Variants in NALF1 observed in about 807,000 individuals in gnomAD.
NALF1 encodes family with sequence similarity 155 member A.
In NALF1, 3 loss-of-function variants were observed where a neutral mutation model predicts 48.4. The observed-to-expected ratio is 0.06, with a 90% CI of 0.03 to 0.16. The LOEUF is 0.16. Ranked by LOEUF, NALF1 falls within the 10% of genes least tolerant of loss-of-function variation. The pLI, the probability that NALF1 is intolerant of heterozygous loss-of-function variation, is 1.00. For missense variants in NALF1, 526 were observed against 571.5 expected, an observed-to-expected ratio of 0.92 and a Z score of 0.81; for synonymous variants, 262 against 245.7, an observed-to-expected ratio of 1.07 and a Z score of -0.62.
chr13:107,640,320 GC>G (rs1880116603), intron 1 of NALF1, among the ~76,000 whole-genome samples: 2 of 152,136 alleles, frequency 1.3e-5, no homozygotes, highest in South Asian at 4.1e-4. Context: ...ATGAGAACAT[GC>G]CTGTTTATGC....
At chr13:107,204,912 A>C (rs1879603119) in intron 2 of NALF1, among the ~76,000 whole-genome samples, 1 of 152,192 alleles carries the variant, frequency 6.6e-6, no homozygotes, top group African/African-American at 2.4e-5. Flanking sequence ...AGGGGAAAAT[A>C]AATAAATTGA....
At chr13:107,488,604 CATATTGAAGGTACATACTTTAAA>C (rs1452002623) in intron 1 of NALF1, among the ~76,000 whole-genome samples, 1 of 152,034 alleles carries the variant, frequency 6.6e-6, no homozygotes, top group Admixed American at 6.6e-5. Flanking sequence ...TGATAAACTA[CATATTGAAGGTACATACTTTAAA>C]ATAATAAGAG....
chr13:107,182,255 T>TGTGTGTGTGTCC (rs1555325200), intron 2 of NALF1, among the ~76,000 whole-genome samples: 26 of 132,586 alleles, frequency 2.0e-4, no homozygotes, highest in African/African-American at 5.2e-4. Flanking sequence ...TGTGTGTCCG[T>TGTGTGTGTGTCC]GTGTGTGTGT....
chr13:107,360,316 TC>T (rs1484323760), intron 1 of NALF1, among the ~76,000 whole-genome samples: 2 of 152,064 alleles, frequency 1.3e-5, no homozygotes, highest in African/African-American at 4.8e-5. Flanking sequence ...AACGCTCAGA[TC>T]CCCAAAGAAT....
At chr13:107,812,567 T>C (rs1460523974) in intron 1 of NALF1, among the ~76,000 whole-genome samples, 2 of 152,148 alleles carry the variant, frequency 1.3e-5, no homozygotes, top group Non-Finnish European at 2.9e-5. Flanking sequence ...CTTCTCTGTA[T>C]TGATGTACAT....
At chr13:107,178,806 G>A (rs141311967) in intron 2 of NALF1, among the ~76,000 whole-genome samples, 2 of 152,174 alleles carry the variant, frequency 1.3e-5, no homozygotes, top group South Asian at 2.1e-4. Context: ...TTAGCCGGGC[G>A]TGGTGGCGGG....
At chr13:107,770,074 G>A (rs866791554) in intron 1 of NALF1, among the ~76,000 whole-genome samples, 19 of 152,078 alleles carry the variant, frequency 1.2e-4, no homozygotes, top group Middle Eastern at 3.4e-3. Context: ...CACCACGCCC[G>A]GCTAATTTTT....
intron 1 of NALF1, among the ~76,000 whole-genome samples, chr13:107,521,181 C>T (rs1323960178): frequency 2.0e-5 from 3 of 152,090 alleles, no homozygotes; most frequent in African/African-American, 7.2e-5. Context: ...TAAAGAAATG[C>T]ATCCATGAGG....
At chr13:107,546,346 T>G (rs149957949) in intron 1 of NALF1, among the ~76,000 whole-genome samples, 1 of 152,186 alleles carries the variant, frequency 6.6e-6, no homozygotes, top group African/African-American at 2.4e-5. Context: ...TGCTAAGGTT[T>G]TCCAGGCTAG....
intron 1 of NALF1, among the ~76,000 whole-genome samples, chr13:107,368,569 A>G (rs539729764): frequency 6.6e-6 from 1 of 152,084 alleles, no homozygotes; most frequent in Non-Finnish European, 1.5e-5. Context: ...CGGTGGTTGC[A>G]GGCACTTCTT....
At chr13:107,515,234 A>ATGATGACAG (rs1312054668) in intron 1 of NALF1, among the ~76,000 whole-genome samples, 1 of 152,220 alleles carries the variant, frequency 6.6e-6, no homozygotes, top group East Asian at 1.9e-4. Flanking sequence ...TAGTTCCTGA[A>ATGATGACAG]TGATGACAGT....
intron 1 of NALF1, among the ~76,000 whole-genome samples, chr13:107,223,640 A>G (rs1313885900): frequency 6.6e-6 from 1 of 152,138 alleles, no homozygotes; most frequent in Non-Finnish European, 1.5e-5. Flanking sequence ...TCCCTAAAAC[A>G]TTTTCAAGGA....
At chr13:107,293,825 C>A (rs1881676410) in intron 1 of NALF1, among the ~76,000 whole-genome samples, 1 of 152,100 alleles carries the variant, frequency 6.6e-6, no homozygotes, top group African/African-American at 2.4e-5. Context: ...CAAAACCAAA[C>A]CAGAAAATAT....
chr13:107,283,923 T>C (rs1401239382), intron 1 of NALF1, among the ~76,000 whole-genome samples: 4 of 152,090 alleles, frequency 2.6e-5, no homozygotes, highest in Non-Finnish European at 5.9e-5. Context: ...CCTCCCAAAG[T>C]GCTGATGTTC....
chr13:107,647,530 T>C (rs556778793), intron 1 of NALF1, among the ~76,000 whole-genome samples: 3 of 151,618 alleles, frequency 2.0e-5, no homozygotes, highest in East Asian at 1.9e-4. Context: ...AAAGGCAGAA[T>C]TGCAAACATA....
In NALF1 at chr13:107,216,398, G is replaced by A. The variant is rs982371669; in HGVS notation, c.916-5643C>T. Among the ~76,000 whole-genome samples, 8 of 152,198 alleles carry A rather than the reference G, an allele frequency of 5.3e-5. No individual in the cohort carries two copies. The South Asian group carries it at 6.2e-4, about 12-fold the overall frequency. On this transcript the variant is annotated intron_variant, in intron 1 of 2. Coordinates refer to ENST00000375915, the MANE Select transcript of NALF1 (RefSeq NM_001080396.3). The stretch of plus-strand genomic sequence containing the variant: ...ACATTGCACCTAGAAATTGGAAATC[G>A]TGATATATTCTGAAAGGGAAACAAG...
chr13:107,851,972 AT>A (rs1413126585), intron 1 of NALF1, among the ~76,000 whole-genome samples: 4,543 of 144,076 alleles, frequency 0.032, 259 homozygotes, highest in African/African-American at 0.11. Flanking sequence ...ATGCCCGGCT[AT>A]TTTTTTTTTT....
chr13:107,479,350 CTT>C (rs1382274368), intron 1 of NALF1, among the ~76,000 whole-genome samples: 5 of 152,110 alleles, frequency 3.3e-5, no homozygotes, highest in African/African-American at 1.2e-4. Context: ...CATAGTATCT[CTT>C]TGTTTTACTT....
chr13:107,203,227 A>C (rs1232341861), intron 2 of NALF1, among the ~76,000 whole-genome samples: 1 of 152,214 alleles, frequency 6.6e-6, no homozygotes, highest in Non-Finnish European at 1.5e-5. Flanking sequence ...ACATTCCAGA[A>C]TTCAAATCTT....
Sources: allele counts gnomAD v4.1 joint callset (sites outside exome capture counted in the v4.1 genomes callset), GRCh38; gene constraint gnomAD v4.1.1; transcripts MANE v1.5; gene names NCBI Gene and HGNC (gene_info 2026-07-23, HGNC 2026-07-21).